RCC1: variants seen among roughly 807,000 people sequenced by gnomAD.
The protein encoded by RCC1 is regulator of chromosome condensation.
A neutral mutation model predicts 44.4 loss-of-function variants in RCC1; 11 were observed. That is an observed-to-expected ratio of 0.25 (90% CI 0.16 to 0.41). RCC1 has a LOEUF of 0.41. Ranked by LOEUF, RCC1 falls within the 10% of genes least tolerant of loss-of-function variation. RCC1 has a pLI of 1.00. For synonymous variants in RCC1, 213 were observed against 216.5 expected, an observed-to-expected ratio of 0.98 and a Z score of 0.14; for missense variants, 386 against 547.1, an observed-to-expected ratio of 0.71 and a Z score of 2.94.
chr1:28,535,810 G>A (rs1664512314), intron 9 of RCC1, 61 bp from the exon 10 acceptor site: 1 of 1,558,344 alleles, frequency 6.4e-7, no homozygotes, highest in Admixed American at 1.8e-5. Flanking sequence ...ATTAAACTCG[G>A]GGCAGAGAGA....
chr1:28,530,640 CTG>C (rs1557877372), intron 5 of RCC1: 2 of 1,575,638 alleles, frequency 1.3e-6, no homozygotes, highest in East Asian at 2.3e-5. Context: ...GGGGCGCCCT[CTG>C]TGCTGCCAGC....
At chr1:28,532,858 C>T in intron 7 of RCC1, 1 of 391,782 alleles carries the variant, frequency 2.6e-6, no homozygotes, top group South Asian at 1.9e-5. Flanking sequence ...TCTTGTTGCC[C>T]AGGCTGGAGT....
chr1:28,524,670 C>G (rs1467339636), intron 4 of RCC1, among the ~76,000 whole-genome samples: 1 of 152,084 alleles, frequency 6.6e-6, no homozygotes, highest in Non-Finnish European at 1.5e-5. Flanking sequence ...CCAGCCTGGG[C>G]AACATGGCAA....
intron 5 of RCC1, chr1:28,530,525 A>G (rs1351117158): frequency 1.2e-6 from 2 of 1,602,466 alleles, no homozygotes; most frequent in Non-Finnish European, 1.7e-6. Flanking sequence ...TTTTGCAGAC[A>G]CGAGGGCCGC....
chr1:28,506,211 T>A (rs1557862824), intron 1 of RCC1, 127 bp downstream of exon 1: 1 of 439,238 alleles, frequency 2.3e-6, no homozygotes, highest in Admixed American at 2.6e-5. Context: ...CTTTTTTTTT[T>A]TTTTTGAGAC....
chr1:28,527,965 C>T (rs1011114061), intron 4 of RCC1, among the ~76,000 whole-genome samples: 2 of 145,006 alleles, frequency 1.4e-5, no homozygotes, highest in African/African-American at 2.6e-5. Flanking sequence ...GCCGAGATTG[C>T]GCCATGGCAC....
At chr1:28,526,614 G>T in intron 4 of RCC1, 2 of 525,630 alleles carry the variant, frequency 3.8e-6, no homozygotes, top group Non-Finnish European at 7.0e-6. Context: ...CAAAGGATAG[G>T]GCTGGGCGCG....
intron 4 of RCC1, among the ~76,000 whole-genome samples, chr1:28,529,245 T>TGGTGAG (rs1663934961): frequency 7.9e-6 from 1 of 127,086 alleles, no homozygotes; most frequent in Admixed American, 8.5e-5. Flanking sequence ...GTGCAGTGGC[T>TGGTGAG]CGATCTTGGC....
At chr1:28,529,837 T>C (rs949382350) in intron 4 of RCC1, 21 bp from the exon 5 acceptor site, 8 of 1,595,914 alleles carry the variant, frequency 5.0e-6, no homozygotes, top group Admixed American at 5.0e-5. Flanking sequence ...TTCTCATATG[T>C]AGTATTTGAC....
chr1:28,506,784 C>T (rs1446924302), intron 1 of RCC1: 4 of 157,108 alleles, frequency 2.5e-5, no homozygotes, highest in Non-Finnish European at 5.6e-5. Flanking sequence ...CCACTGCAAC[C>T]TCCGCCTGCT....
rs903104159 is a variant in RCC1 at position 28,530,199 on chromosome 1, A to G, written c.73+260A>G. Among the ~76,000 whole-genome samples the G allele has an allele frequency of 2.0e-5, 3 of 150,476 alleles. No homozygotes were observed. In the South Asian group the frequency reaches 6.3e-4, roughly 31 times the overall value. ...AAACTAGACCCTAGGGCTTCACCCCAGGCAGTGATGCATTATGGTTAGGAC... is the reference window on the plus strand; with the variant it reads ...AAACTAGACCCTAGGGCTTCACCCCGGGCAGTGATGCATTATGGTTAGGAC... On this transcript the variant is annotated intron_variant, in intron 5 of 12. Coordinates refer to ENST00000683442, the MANE Select transcript of RCC1 (RefSeq NM_001381865.2).
intron 7 of RCC1, among the ~76,000 whole-genome samples, chr1:28,534,038 T>G (rs1021251344): frequency 8.4e-5 from 12 of 143,552 alleles, no homozygotes; most frequent in Non-Finnish European, 1.4e-4. Context: ...CCACCACACC[T>G]GGTTAATTTT....
chr1:28,531,442 T>G (rs1482778766), intron 5 of RCC1, among the ~76,000 whole-genome samples: 1 of 151,844 alleles, frequency 6.6e-6, no homozygotes, highest in Non-Finnish European at 1.5e-5. Flanking sequence ...TCTTAACTCC[T>G]GACCTCAAGT....
chr1:28,536,508 A>G lies in RCC1; in HGVS notation c.937+127A>G. 6 of 1,275,154 alleles carry G rather than the reference A, an allele frequency of 4.7e-6. No individual in the cohort carries two copies. Among genetic ancestry groups the G allele is most frequent in the African/African-American group, 1.5e-5 (1 of 67,310 alleles). 79.0% of individuals were successfully genotyped at this position (1,275,154 alleles called of 1,614,324 possible). A position where few individuals can be genotyped will look rare whatever the true frequency, so the allele number is the denominator to read the frequency against. On this transcript the variant is annotated intron_variant, in intron 11 of 12. Transcript: ENST00000683442. The surrounding 1 kb of genome is among the most constrained non-coding windows in gnomAD (Gnocchi z 4.9). ...CATGGGTTGTACCATACATGGGTCC[A>G]TGAGAGTCACTCTCATCCTCCTAGA...
At chr1:28,506,887 A>T (rs950042218) in intron 1 of RCC1, 2 of 159,502 alleles carry the variant, frequency 1.3e-5, no homozygotes, top group Non-Finnish European at 2.8e-5. Flanking sequence ...TTTTTAGTAG[A>T]GACGGGATTT....
chr1:28,511,055 A>G (rs768528397), intron 3 of RCC1, among the ~76,000 whole-genome samples: 5 of 152,016 alleles, frequency 3.3e-5, no homozygotes, highest in Non-Finnish European at 5.9e-5. Flanking sequence ...AGCTTGCAAT[A>G]CCCCTTTTTT....
At chr1:28,526,143 G>C (rs1303614136) in intron 4 of RCC1, among the ~76,000 whole-genome samples, 1 of 152,046 alleles carries the variant, frequency 6.6e-6, no homozygotes, top group Middle Eastern at 3.2e-3. Context: ...AAATTAGCTG[G>C]ACACTGTGAT....
chr1:28,527,725 A>C (rs555627059), intron 4 of RCC1, among the ~76,000 whole-genome samples: 1 of 152,298 alleles, frequency 6.6e-6, no homozygotes, highest in African/African-American at 2.4e-5. Context: ...TTTTAAATAC[A>C]TGTGGCCAGG....
chr1:28,512,021 C>G (rs1381355222), intron 3 of RCC1, among the ~76,000 whole-genome samples: 1 of 139,560 alleles, frequency 7.2e-6, no homozygotes, highest in Non-Finnish European at 1.5e-5. Flanking sequence ...GCCTCCCAGG[C>G]TGGAGTGCAG....
Sources: gnomAD v4.1 joint callset for allele counts (sites outside exome capture counted in the v4.1 genomes callset) on GRCh38, gnomAD v4.1.1 for gene constraint, Gnocchi (gnomAD v3.1) non-coding constraint, MANE v1.5 for transcripts, NCBI Gene and HGNC (gene_info 2026-07-23, HGNC 2026-07-21) for gene names.